Variants in PDE3A observed in about 807,000 individuals in gnomAD.
The protein encoded by PDE3A is cGMP-inhibited 3',5'-cyclic phosphodiesterase 3A.
In PDE3A, 43 loss-of-function variants were observed where a neutral mutation model predicts 98.3. The observed-to-expected ratio is 0.44, with a 90% CI of 0.34 to 0.56. The LOEUF (loss-of-function observed/expected upper bound fraction) is 0.56, where lower values mean the gene tolerates loss of function less well. Ranked by LOEUF, PDE3A falls within the 20% of genes least tolerant of loss-of-function variation. PDE3A has a pLI of 0.01. For missense variants in PDE3A, 1,427 were observed against 1,440.7 expected, an observed-to-expected ratio of 0.99 and a Z score of 0.15; for synonymous variants, 663 against 567.9, an observed-to-expected ratio of 1.17 and a Z score of -2.38.
Position 20,680,264 on chromosome 12 carries a change from A to T in PDE3A, c.3419A>T (p.Asp1140Val). 6.2e-7 allele frequency: 1 copy of T among 1,613,934 alleles called. No homozygotes were observed. Among genetic ancestry groups the T allele is most frequent in the Non-Finnish European group, 8.5e-7 (1 of 1,179,896 alleles). ...GAGGAGATACCAACCCAAAAGCCAGACCAGTGACAATGGATAGAATGGGCT... is the reference window on the plus strand; with the variant it reads ...GAGGAGATACCAACCCAAAAGCCAGTCCAGTGACAATGGATAGAATGGGCT... ...RGEEIPTQKPDQ is the reference protein window; with the variant it reads ...RGEEIPTQKPVQ The change falls in exon 16 of 16, where the codon GAC (aspartate) becomes GTC (valine). Residue 1140 changes from aspartate to valine, a missense_variant. This residue lies in a region of PDE3A where 142 missense variants were observed against 133.9 expected (regional missense o/e 1.06). Transcript: ENST00000359062.
intron 1 of PDE3A, among the ~76,000 whole-genome samples, chr12:20,408,746 C>T (rs192411384): frequency 1.3e-5 from 2 of 152,176 alleles, no homozygotes; most frequent in East Asian, 1.9e-4. Context: ...AATTTATTGC[C>T]GTTCTCTATC....
chr12:20,634,842 T>C, intron 7 of PDE3A, 60 bp from the exon 8 acceptor site: 2 of 1,369,598 alleles, frequency 1.5e-6, no homozygotes, highest in Admixed American at 1.8e-5. Flanking sequence ...AAAATTTGCT[T>C]AAATGAGCCC....
rs548734900 is a variant in PDE3A at position 20,446,095 on chromosome 12, C to T, written c.960+75851C>T. Among the ~76,000 whole-genome samples, 11 of 152,260 alleles carry T rather than the reference C, an allele frequency of 7.2e-5. No homozygotes were observed. In the East Asian group the frequency reaches 7.7e-4, roughly 11 times the overall value. On this transcript the variant is annotated intron_variant, in intron 1 of 15. Coordinates refer to ENST00000359062, the MANE Select transcript of PDE3A (RefSeq NM_000921.5). The stretch of plus-strand genomic sequence containing the variant: ...AGCATAGTCTGAGCATTTTTCCCTT[C>T]GCCCTTTCTCCCCCAACGTGCCTGA...
chr12:20,391,786 C>A (rs1322161998), intron 1 of PDE3A, among the ~76,000 whole-genome samples: 1 of 151,840 alleles, frequency 6.6e-6, no homozygotes, highest in African/African-American at 2.4e-5. Flanking sequence ...CTTTTCCCCT[C>A]CTCTCTGTTT....
At chr12:20,506,128 G>GTGTGTGTGTC (rs377692430) in intron 1 of PDE3A, among the ~76,000 whole-genome samples, 1,978 of 146,904 alleles carry the variant, frequency 0.013, 41 homozygotes, top group African/African-American at 0.048. Context: ...GTGTGTGTGT[G>GTGTGTGTGTC]TATGTGTGTG....
chr12:20,593,656 C>A (rs1189615826), intron 2 of PDE3A, among the ~76,000 whole-genome samples: 1 of 151,990 alleles, frequency 6.6e-6, no homozygotes, highest in South Asian at 2.1e-4. Context: ...TAAGAGTCAA[C>A]GTGTCCAGTT....
At chr12:20,462,592 G>A (rs56293460) in intron 1 of PDE3A, among the ~76,000 whole-genome samples, 7,320 of 152,164 alleles carry the variant, frequency 0.048, 206 homozygotes, top group South Asian at 0.069. Context: ...CAGAGTGGCC[G>A]TATAGATAAT....
At chr12:20,435,055 A>G (rs1303702492) in intron 1 of PDE3A, among the ~76,000 whole-genome samples, 1 of 152,214 alleles carries the variant, frequency 6.6e-6, no homozygotes, top group African/African-American at 2.4e-5. Context: ...TAAAATATGT[A>G]TGGAGCACCT....
chr12:20,417,739 T>C (rs1465306328), intron 1 of PDE3A, among the ~76,000 whole-genome samples: 1 of 152,112 alleles, frequency 6.6e-6, no homozygotes, highest in African/African-American at 2.4e-5. Context: ...ATAAAACATC[T>C]GAAATGAAAA....
chr12:20,575,543 G>C (rs555676983), intron 2 of PDE3A, among the ~76,000 whole-genome samples: 1 of 152,108 alleles, frequency 6.6e-6, no homozygotes, highest in African/African-American at 2.4e-5. Flanking sequence ...AAAGTCATCA[G>C]CTGTCTACTG....
intron 7 of PDE3A, among the ~76,000 whole-genome samples, chr12:20,634,465 T>C (rs1017601750): frequency 1.3e-5 from 2 of 152,198 alleles, no homozygotes; most frequent in Non-Finnish European, 2.9e-5. Context: ...GGATTGCCCA[T>C]GCTCCCAAGC....
intron 15 of PDE3A, among the ~76,000 whole-genome samples, chr12:20,661,966 G>A (rs1448310560): frequency 4.6e-5 from 7 of 152,098 alleles, no homozygotes; most frequent in Admixed American, 4.6e-4. Context: ...CCATGTGCCT[G>A]GAAAAGCCAC....
At chr12:20,531,955 T>A (rs1941610845) in intron 1 of PDE3A, among the ~76,000 whole-genome samples, 1 of 152,004 alleles carries the variant, frequency 6.6e-6, no homozygotes, top group Admixed American at 6.6e-5. Context: ...TTTTTTTTTT[T>A]TAATATATCT....
rs544035932 is a variant in PDE3A, at chr12:20,676,112, G to T, written c.3185-3918G>T. Among the ~76,000 whole-genome samples, 4 of 152,038 alleles carry T rather than the reference G, an allele frequency of 2.6e-5. No homozygotes were observed. In the East Asian group the frequency reaches 7.8e-4, roughly 29 times the overall value. ...TATCATTGCAGTTGGGTGGTTTTCT[G>T]TAGTGCTAACATTTGATTCCTTTCA... is the stretch of plus-strand genomic sequence containing the variant. On this transcript the variant is annotated intron_variant, in intron 15 of 15. Transcript: ENST00000359062.
intron 1 of PDE3A, among the ~76,000 whole-genome samples, chr12:20,521,156 T>G (rs1946417999): frequency 6.6e-6 from 1 of 151,794 alleles, no homozygotes; most frequent in East Asian, 1.9e-4. Flanking sequence ...TTTTGTATTC[T>G]TGGGGTTGTA....
intron 1 of PDE3A, among the ~76,000 whole-genome samples, chr12:20,514,096 C>G (rs1946274468): frequency 1.3e-5 from 2 of 152,166 alleles, no homozygotes; most frequent in South Asian, 4.1e-4. Context: ...AGGTTTCACC[C>G]TAAAATAATT....
At chr12:20,571,977 C>T in intron 2 of PDE3A, 1 of 1,066,688 alleles carries the variant, frequency 9.4e-7, no homozygotes, top group Non-Finnish European at 1.1e-6. Context: ...TTCATTTAAC[C>T]TACTTCACTA....
At chr12:20,441,416 G>T (rs761266265) in intron 1 of PDE3A, among the ~76,000 whole-genome samples, 3 of 152,150 alleles carry the variant, frequency 2.0e-5, no homozygotes, top group Non-Finnish European at 4.4e-5. Context: ...TGGTATTGAA[G>T]AAGAATAGTG....
chr12:20,587,470 G>T (rs1197261239), intron 2 of PDE3A, among the ~76,000 whole-genome samples: 1 of 152,024 alleles, frequency 6.6e-6, no homozygotes, highest in Non-Finnish European at 1.5e-5. Flanking sequence ...TTCTGGAAAA[G>T]ATTTGTGTTT....
Sources: allele counts gnomAD v4.1 joint callset (sites outside exome capture counted in the v4.1 genomes callset), GRCh38; gene constraint gnomAD v4.1.1; regional missense constraint gnomAD v4.1.1; transcripts MANE v1.5; gene names NCBI Gene and HGNC (gene_info 2026-07-23, HGNC 2026-07-21).